Variants in PPFIA1 observed in about 807,000 individuals in gnomAD.
The protein encoded by PPFIA1 is liprin-alpha-1.
PPFIA1 carries 25 observed loss-of-function variants against 149.9 expected under a neutral mutation model. The ratio of observed to expected loss-of-function variants is 0.17; its 90% CI spans 0.12 to 0.23. The LOEUF (loss-of-function observed/expected upper bound fraction) is 0.23, where lower values mean the gene tolerates loss of function less well. Among genes scored for constraint, PPFIA1 ranks in the 10% least tolerant of loss-of-function variants. PPFIA1 has a pLI of 1.00. For missense variants in PPFIA1, 1,362 were observed against 1,506.5 expected, an observed-to-expected ratio of 0.90 and a Z score of 1.59; for synonymous variants, 549 against 552.8, an observed-to-expected ratio of 0.99 and a Z score of 0.10.
In PPFIA1 at chr11:70,332,009, A is replaced by G. The variant is rs755862919; in HGVS notation, c.1127A>G (p.Gln376Arg). 11 of 1,613,416 alleles carry G rather than the reference A, an allele frequency of 6.8e-6. No homozygotes were observed. The highest frequency in any genetic ancestry group is 9.3e-6 in the Non-Finnish European group (11 of 1,179,684). Residue 376 changes from glutamine to arginine, a missense_variant, in exon 9 of 28, where the codon CAA becomes CGA. Gln to Arg is a conservative substitution (Grantham distance 43, BLOSUM62 1). Coordinates refer to ENST00000253925, the MANE Select transcript of PPFIA1 (RefSeq NM_003626.5). ...CAGGAGCGCTTGGAATTGGCAGAGC[A>G]AAAGCTGCAACAGACACTGAGGAAG... ...QLQERLELAE[Q>R]KLQQTLRKAE...
At chr11:70,358,222 T>TTG (rs2056450661) in intron 19 of PPFIA1, 2 of 152,144 alleles carry the variant, frequency 1.3e-5, no homozygotes, top group African/African-American at 2.4e-5. Flanking sequence ...GTGCTTTATT[T>TTG]ATTGATTGAT....
At chr11:70,348,441 T>A in intron 16 of PPFIA1, 21 bp downstream of exon 16, 1 of 1,548,600 alleles carries the variant, frequency 6.5e-7, no homozygotes, top group Non-Finnish European at 8.9e-7. Flanking sequence ...GCCCTTTCCC[T>A]GCTGTGGCTG....
At chr11:70,280,394 C>A (rs1304722384) in intron 2 of PPFIA1, among the ~76,000 whole-genome samples, 1 of 151,904 alleles carries the variant, frequency 6.6e-6, no homozygotes, top group Non-Finnish European at 1.5e-5. Context: ...CATGGTGAAA[C>A]CCTGTCTCTA....
intron 21 of PPFIA1, chr11:70,365,264 T>C (rs949573812): frequency 2.4e-5 from 9 of 380,582 alleles, no homozygotes; most frequent in African/African-American, 1.9e-4. Flanking sequence ...AGAGCGAACT[T>C]TGCCTCCTCG....
At chr11:70,297,043 T>C (rs1048424143) in intron 2 of PPFIA1, among the ~76,000 whole-genome samples, 2 of 152,178 alleles carry the variant, frequency 1.3e-5, no homozygotes, top group East Asian at 1.9e-4. Flanking sequence ...TTGAATGGGC[T>C]AAAGAAGTTT....
intron 2 of PPFIA1, among the ~76,000 whole-genome samples, chr11:70,288,329 C>T (rs1050558943): frequency 4.6e-5 from 7 of 152,180 alleles, no homozygotes; most frequent in Non-Finnish European, 7.3e-5. Flanking sequence ...CTTGGCCTCC[C>T]AAAGTGCTGG....
intron 25 of PPFIA1, among the ~76,000 whole-genome samples, chr11:70,376,880 C>T (rs665890): frequency 0.46 from 69,211 of 151,904 alleles, 18,133 homozygotes; most frequent in African/African-American, 0.72. Flanking sequence ...AAGACCAGCC[C>T]GGCCAACATG....
intron 19 of PPFIA1, among the ~76,000 whole-genome samples, chr11:70,360,721 TC>T (rs2056599812): frequency 6.6e-6 from 1 of 152,332 alleles, no homozygotes; most frequent in South Asian, 2.1e-4. Flanking sequence ...CACTTCATAC[TC>T]CTAAGAAAAG....
chr11:70,272,214 C>T lies in PPFIA1; in HGVS notation c.42C>T (p.Gly14=), dbSNP rs1235515945. ...TGCCGACCATCAGCGAAGCAGAAGG[C>T]CCCCCTGGAGGAGGTGGAGGCCATG... ...EVMPTISEAE[G]PPGGGGGHGS... Residue 14 remains glycine, a synonymous_variant, in exon 2 of 28, where the codon GGC becomes GGT. Transcript: ENST00000253925. 1.2e-6 allele frequency: 2 copies of T among 1,613,852 alleles called. No individual in the cohort carries two copies. Among genetic ancestry groups the T allele is most frequent in the Admixed American group, 1.7e-5 (1 of 59,996 alleles).
At chr11:70,299,198 C>T (rs2052303816) in intron 2 of PPFIA1, among the ~76,000 whole-genome samples, 2 of 152,058 alleles carry the variant, frequency 1.3e-5, no homozygotes, top group African/African-American at 4.8e-5. Context: ...AAGATTGCAC[C>T]ACTGCACTCC....
intron 2 of PPFIA1, among the ~76,000 whole-genome samples, chr11:70,304,554 C>T (rs1325143553): frequency 1.3e-5 from 2 of 152,118 alleles, no homozygotes; most frequent in African/African-American, 2.4e-5. Flanking sequence ...TAATTGAACC[C>T]GAGAAGGGTA....
chr11:70,278,921 C>T (rs1321062067), intron 2 of PPFIA1: 1 of 603,362 alleles, frequency 1.7e-6, no homozygotes, highest in African/African-American at 1.9e-5. Context: ...TTTAGACAGT[C>T]TGCTGTTGTC....
intron 2 of PPFIA1, among the ~76,000 whole-genome samples, chr11:70,283,613 G>C (rs2050910279): frequency 6.6e-6 from 1 of 152,164 alleles, no homozygotes; most frequent in Admixed American, 6.5e-5. Context: ...CCATTTAGGA[G>C]GCAGTTCCTG....
At chr11:70,330,565 T>G (rs1565404114) in intron 8 of PPFIA1, among the ~76,000 whole-genome samples, 1 of 152,236 alleles carries the variant, frequency 6.6e-6, no homozygotes, top group East Asian at 1.9e-4. Flanking sequence ...TATTGCTTGT[T>G]AGCATTTTTA....
At chr11:70,342,853 T>TATCC (rs746999589) in intron 14 of PPFIA1, among the ~76,000 whole-genome samples, 2 of 151,536 alleles carry the variant, frequency 1.3e-5, no homozygotes, top group Non-Finnish European at 2.9e-5. Flanking sequence ...GTAATTGGGA[T>TATCC]ATCCATCACC....
At chr11:70,380,796 A>G (rs1249798931) in intron 26 of PPFIA1, among the ~76,000 whole-genome samples, 1 of 151,880 alleles carries the variant, frequency 6.6e-6, no homozygotes, top group Non-Finnish European at 1.5e-5. Flanking sequence ...AAGACTTTTT[A>G]CCCTTACATT....
At chr11:70,339,908 C>T (rs1461884922) in intron 14 of PPFIA1, among the ~76,000 whole-genome samples, 3 of 152,068 alleles carry the variant, frequency 2.0e-5, no homozygotes, top group African/African-American at 7.2e-5. Flanking sequence ...CCCAGCTACT[C>T]AGAAGGCTGA....
chr11:70,350,950 T>C (rs1182006180), intron 16 of PPFIA1: 18 of 1,182,940 alleles, frequency 1.5e-5, no homozygotes, highest in Admixed American at 2.8e-5. Flanking sequence ...AAAGTGTATA[T>C]AGTAAATCTG....
At chr11:70,356,578 A>G (rs1434179716) in intron 19 of PPFIA1, among the ~76,000 whole-genome samples, 2 of 152,192 alleles carry the variant, frequency 1.3e-5, no homozygotes, top group Non-Finnish European at 2.9e-5. Context: ...GAAGTGGCCT[A>G]GCATCTCTGT....
Sources: allele counts gnomAD v4.1 joint callset (sites outside exome capture counted in the v4.1 genomes callset), GRCh38; gene constraint gnomAD v4.1.1; transcripts MANE v1.5; gene names NCBI Gene and HGNC (gene_info 2026-07-23, HGNC 2026-07-21).